The following PPP4R2 variants were observed in gnomAD, a reference collection of about 807,000 sequenced individuals.
PPP4R2 encodes serine/threonine-protein phosphatase 4 regulatory subunit 2.
PPP4R2 carries 13 observed loss-of-function variants against 47.2 expected under a neutral mutation model. The ratio of observed to expected loss-of-function variants is 0.28; its 90% CI spans 0.18 to 0.44. The LOEUF (loss-of-function observed/expected upper bound fraction) is 0.44. PPP4R2 is among the 20% of genes least tolerant of loss of function. The pLI is 1.00. For synonymous variants in PPP4R2, 151 were observed against 163.3 expected (o/e 0.92, Z 0.57); for missense variants, 421 against 491.2 (o/e 0.86, Z 1.35).
In PPP4R2 at chr3:73,066,404, C is replaced by T. The variant is rs1406185874; in HGVS notation, c.*682C>T. On this transcript the variant is annotated 3_prime_UTR_variant, in exon 9 of 9. Coordinates refer to ENST00000356692, the MANE Select transcript of PPP4R2 (RefSeq NM_174907.4). ...CTGAGTAATTGAAATAAAATCTGGC[C>T]CTTGTGAAACCCTGGAAATCTTAAG... 6.6e-6 allele frequency: 1 copy of T among 151,652 alleles called. No individual in the cohort carries two copies. The highest frequency in any genetic ancestry group is 2.4e-5 in the African/African-American group (1 of 41,312). The allele number at this position is 151,652 out of a possible 1,614,324, so 9.4% of individuals were successfully genotyped here. A position where few individuals can be genotyped will look rare whatever the true frequency, so the allele number is the denominator to read the frequency against.
chr3:73,010,461 C>G (rs978010041), intron 2 of PPP4R2, among the ~76,000 whole-genome samples: 1 of 152,146 alleles, frequency 6.6e-6, no homozygotes, highest in African/African-American at 2.4e-5. Flanking sequence ...GTCATAGTAT[C>G]TCTCTTGTCT....
chr3:73,038,586 G>A (rs986190945), intron 2 of PPP4R2, among the ~76,000 whole-genome samples: 2 of 152,086 alleles, frequency 1.3e-5, no homozygotes, highest in Non-Finnish European at 2.9e-5. Flanking sequence ...AGTAGAGACA[G>A]GGTTTCACCA....
intron 3 of PPP4R2, among the ~76,000 whole-genome samples, chr3:73,049,758 T>G (rs1212450607): frequency 6.7e-6 from 1 of 149,806 alleles, no homozygotes; most frequent in Non-Finnish European, 1.5e-5. Context: ...ATATATTATA[T>G]ATAAATATAA....
At chr3:73,021,844 C>CTGTGTG (rs1172743928) in intron 2 of PPP4R2, among the ~76,000 whole-genome samples, 43 of 137,368 alleles carry the variant, frequency 3.1e-4, no homozygotes, top group Admixed American at 1.9e-3. Flanking sequence ...TATTACATTT[C>CTGTGTG]TATATGTGTG....
At chr3:73,064,193 A>G in intron 7 of PPP4R2, 47 bp downstream of exon 7, 1 of 1,491,452 alleles carries the variant, frequency 6.7e-7, no homozygotes, top group South Asian at 1.2e-5. Flanking sequence ...TAAAAGTTAA[A>G]GTTAACATTT....
chr3:73,059,810 CTGTAA>C (rs1161770415), intron 4 of PPP4R2, among the ~76,000 whole-genome samples: 1 of 151,872 alleles, frequency 6.6e-6, no homozygotes, highest in Non-Finnish European at 1.5e-5. Flanking sequence ...TGGTGCACGC[CTGTAA>C]TCCTAGCTAC....
intron 2 of PPP4R2, among the ~76,000 whole-genome samples, chr3:73,004,843 G>T: frequency 1.0e-5 from 1 of 98,728 alleles, no homozygotes; most frequent in Admixed American, 9.3e-5. Context: ...ATACAGTGTG[G>T]GGTGTGTGTG....
At chr3:73,032,626 C>G (rs754269065) in intron 2 of PPP4R2, among the ~76,000 whole-genome samples, 1 of 152,126 alleles carries the variant, frequency 6.6e-6, no homozygotes, top group African/African-American at 2.4e-5. Flanking sequence ...TTACTAGTTA[C>G]TTTTTCTCTT....
chr3:73,002,080 C>T (rs1701475924), intron 2 of PPP4R2, among the ~76,000 whole-genome samples: 3 of 152,206 alleles, frequency 2.0e-5, no homozygotes, highest in Admixed American at 1.3e-4. Context: ...GTAGCTCCCA[C>T]ATATGTGAAA....
chr3:73,067,180 TTAA>T lies in PPP4R2; in HGVS notation c.*1460_*1462del, dbSNP rs1173828982. 6.6e-6 allele frequency: 1 copy of T among 152,132 alleles called. No individual in the cohort carries two copies. Among genetic ancestry groups the T allele is most frequent in the Non-Finnish European group, 1.5e-5 (1 of 67,962 alleles). 9.4% of individuals were successfully genotyped at this position (152,132 alleles called of 1,614,324 possible). On this transcript the variant is annotated 3_prime_UTR_variant, in exon 9 of 9. Transcript: ENST00000356692. ...CAGTATTCATATAAAGCAATAAATA[TTAA>T]TGTTATGAAATATTTGACTACATTT...
At chr3:73,065,166 G>GGT (rs770397297) in intron 8 of PPP4R2, 25 bp downstream of exon 8, 8 of 1,552,196 alleles carry the variant, frequency 5.2e-6, no homozygotes, top group Non-Finnish European at 6.9e-6. Flanking sequence ...TCTGTAAAAG[G>GGT]GTGGAGTAAG....
intron 2 of PPP4R2, among the ~76,000 whole-genome samples, chr3:73,040,326 C>T (rs894045761): frequency 5.9e-5 from 9 of 152,120 alleles, no homozygotes; most frequent in Non-Finnish European, 1.2e-4. Flanking sequence ...TGGGGAGTTT[C>T]TGAAGGTTGA....
rs538690129 is a variant in PPP4R2 at position 73,026,423 on chromosome 3, T to C, written c.117-20763T>C. Among the ~76,000 whole-genome samples the C allele has an allele frequency of 2.6e-5, 4 of 152,306 alleles. No homozygotes were observed. The South Asian group carries it at 6.2e-4, about 24-fold the overall frequency. ...GGTCATCTCTTCTAGAAAACCTCCA[T>C]TGACCCTGAATTAGATGTGACTCAG... On this transcript the variant is annotated intron_variant, in intron 2 of 8. Coordinates refer to ENST00000356692, the MANE Select transcript of PPP4R2 (RefSeq NM_174907.4).
At chr3:73,030,728 A>T (rs1172766411) in intron 2 of PPP4R2, among the ~76,000 whole-genome samples, 1 of 149,902 alleles carries the variant, frequency 6.7e-6, no homozygotes, top group Non-Finnish European at 1.5e-5. Flanking sequence ...TTTGAGATGG[A>T]GTCTCACTCT....
chr3:73,021,885 T>C (rs1246824589), intron 2 of PPP4R2, among the ~76,000 whole-genome samples: 1 of 78,558 alleles, frequency 1.3e-5, no homozygotes, highest in Non-Finnish European at 2.6e-5. Flanking sequence ...TGTGTGTATA[T>C]ATGCATATAT....
At chr3:73,046,722 G>A (rs1430059360) in intron 2 of PPP4R2, among the ~76,000 whole-genome samples, 1 of 152,068 alleles carries the variant, frequency 6.6e-6, no homozygotes, top group Non-Finnish European at 1.5e-5. Context: ...AAAGGAGAAA[G>A]TAAAGTTTAT....
chr3:73,060,667 A>AT (rs1702836072), intron 4 of PPP4R2, among the ~76,000 whole-genome samples: 1 of 152,206 alleles, frequency 6.6e-6, no homozygotes, highest in Admixed American at 6.5e-5. Context: ...AGGAAAATCA[A>AT]TTACATATGT....
chr3:73,036,224 T>G (rs1187149747), intron 2 of PPP4R2, among the ~76,000 whole-genome samples: 2 of 152,054 alleles, frequency 1.3e-5, no homozygotes, highest in African/African-American at 4.8e-5. Flanking sequence ...GAGAGTAGAA[T>G]GAGGGTTATC....
chr3:73,033,243 T>C (rs925899432), intron 2 of PPP4R2, among the ~76,000 whole-genome samples: 3 of 152,208 alleles, frequency 2.0e-5, no homozygotes, highest in Admixed American at 6.5e-5. Context: ...GGTTGAAAAT[T>C]ATTGTCTCTC....
Sources: gnomAD v4.1 joint callset for allele counts (sites outside exome capture counted in the v4.1 genomes callset) on GRCh38, gnomAD v4.1.1 for gene constraint, MANE v1.5 for transcripts, NCBI Gene and HGNC (gene_info 2026-07-23, HGNC 2026-07-21) for gene names.